The following ASB4 variants were observed in gnomAD, a reference collection of about 807,000 sequenced individuals.
The protein encoded by ASB4 is ankyrin repeat and SOCS box containing 4, also known as ankyrin repeat and SOCS box protein 4.
Under a neutral mutation model 38.6 loss-of-function variants are expected in ASB4, and 35 were observed. The ratio of observed to expected loss-of-function variants is 0.91; its 90% CI spans 0.69 to 1.20. The LOEUF is 1.20. ASB4 is among the 50% of genes most tolerant of loss of function. The probability of loss-of-function intolerance (pLI) is 0.00; values close to 1 mark genes in which losing one functional copy is unlikely to be tolerated. For missense variants in ASB4, 557 were observed against 527.2 expected, an observed-to-expected ratio of 1.06 and a Z score of -0.55; for synonymous variants, 195 against 201.3, an observed-to-expected ratio of 0.97 and a Z score of 0.26.
rs1344036144 is a variant in ASB4 at position 95,520,249 on chromosome 7, C to T, written c.488-7564C>T. On this transcript the variant is annotated intron_variant, in intron 2 of 4. Coordinates refer to ENST00000325885, the MANE Select transcript of ASB4 (RefSeq NM_016116.3). ...CACTGCAGAATCTTTAAGGAAGTTA[C>T]GGACAAAGGGAGCAGAAACAAAATA... 4.6e-5 allele frequency among the ~76,000 whole-genome samples: 7 copies of T among 152,182 alleles called. No homozygotes were observed. In the East Asian group the frequency reaches 5.8e-4, roughly 13 times the overall value.
downstream of ASB4, chr7:95,542,156 G>A (rs1450984310): frequency 4.0e-5 from 6 of 150,814 alleles, no homozygotes; most frequent in Admixed American, 3.3e-4. Context: ...GGAAGAAGAA[G>A]AGGAGTGTTG....
the ASB4 span, among the ~76,000 whole-genome samples, chr7:95,546,558 A>G: frequency 6.6e-6 from 1 of 152,182 alleles, no homozygotes; most frequent in Non-Finnish European, 1.5e-5. Flanking sequence ...TTTTACACCT[A>G]CGGCAGACAA....
chr7:95,528,137 T>C lies in ASB4; in HGVS notation c.812T>C (p.Met271Thr). ...TGTGACCACGTGCTCATGCACATGA[T>C]GCTGGAAGCTGGCGCCGAAGCCAAT... ...WNCDHVLMHM[M>T]LEAGAEANLM... is the part of the protein sequence containing the mutation. The change falls in exon 3 of 5, where the codon ATG becomes ACG. Residue 271 changes from methionine (M) to threonine (T), a missense_variant. Physicochemically the swap from Met to Thr is moderately conservative, Grantham distance 81 (BLOSUM62 -1). Transcript: ENST00000325885. 2 of 1,614,208 alleles carry C rather than the reference T, an allele frequency of 1.2e-6. No individual in the cohort carries two copies. The highest frequency in any genetic ancestry group is 1.7e-6 in the Non-Finnish European group (2 of 1,180,028).
intron 2 of ASB4, among the ~76,000 whole-genome samples, chr7:95,502,547 A>G (rs1387643130): frequency 6.6e-6 from 1 of 152,174 alleles, no homozygotes; most frequent in East Asian, 1.9e-4. Flanking sequence ...TTTAGATGTT[A>G]TCTCTGAACT....
chr7:95,541,025 C>T (rs986033512), downstream of ASB4, among the ~76,000 whole-genome samples: 3 of 152,182 alleles, frequency 2.0e-5, no homozygotes, highest in Admixed American at 2.0e-4. Flanking sequence ...CAACTATTCA[C>T]CCATTTTCTT....
At chr7:95,488,019 A>C (rs1190161787) in intron 1 of ASB4, among the ~76,000 whole-genome samples, 1 of 152,116 alleles carries the variant, frequency 6.6e-6, no homozygotes, top group Non-Finnish European at 1.5e-5. Flanking sequence ...CTTTAGTCTT[A>C]AACCCAGGTT....
chr7:95,549,021 G>A, the ASB4 span, among the ~76,000 whole-genome samples: 1 of 152,106 alleles, frequency 6.6e-6, no homozygotes, highest in Non-Finnish European at 1.5e-5. Flanking sequence ...ATGCCTGTGT[G>A]TTTTGCTTTG....
At chr7:95,544,553 G>A (rs1049836703), downstream of ASB4, 18 of 152,198 alleles carry the variant, frequency 1.2e-4, no homozygotes, top group African/African-American at 3.9e-4. Flanking sequence ...AATGGCTTGA[G>A]TTTTAATCTT....
At chr7:95,504,931 C>T (rs143626722) in intron 2 of ASB4, among the ~76,000 whole-genome samples, 232 of 152,242 alleles carry the variant, frequency 1.5e-3, no homozygotes, top group African/African-American at 5.4e-3. Context: ...ACTCCAGTCC[C>T]GTAAAGCATG....
Position 95,496,014 on chromosome 7 carries a change from A to G in ASB4, c.444A>G (p.Thr148=), listed in dbSNP as rs1365335541. 1.4e-5 allele frequency: 22 copies of G among 1,613,740 alleles called. No homozygotes were observed. Among genetic ancestry groups the G allele is most frequent in the Non-Finnish European group, 1.8e-5 (21 of 1,179,832 alleles). The change falls in exon 2 of 5, where the codon ACA becomes ACG. Residue 148 remains threonine, a synonymous_variant. Transcript: ENST00000325885. The part of the protein sequence containing the change: ...LSGHTALHFC[T]TPSSILCAKQ... ...GACACACAGCTTTGCACTTTTGTAC[A>G]ACTCCAAGTTCCATTCTCTGTGCCA...
intron 1 of ASB4, among the ~76,000 whole-genome samples, chr7:95,491,227 T>C (rs992543638): frequency 1.3e-5 from 2 of 152,208 alleles, no homozygotes; most frequent in African/African-American, 4.8e-5. Flanking sequence ...GTGGGTTTTG[T>C]ACACAGGGGA....
At chr7:95,484,707 G>A (rs79633262), upstream of ASB4, among the ~76,000 whole-genome samples, 1,346 of 152,004 alleles carry the variant, frequency 8.9e-3, 13 homozygotes, top group African/African-American at 0.03. Flanking sequence ...TTCCACAAAC[G>A]ACATATAAAA....
chr7:95,531,414 G>A (rs769944862), intron 3 of ASB4, among the ~76,000 whole-genome samples: 31 of 152,164 alleles, frequency 2.0e-4, no homozygotes, highest in Admixed American at 2.6e-4. Context: ...CGAAAAGGAT[G>A]GACAGGGACA....
At chr7:95,515,225 CT>C (rs1411721877) in intron 2 of ASB4, among the ~76,000 whole-genome samples, 9 of 107,196 alleles carry the variant, frequency 8.4e-5, no homozygotes, top group South Asian at 3.0e-4. Flanking sequence ...TTCTTTCTTT[CT>C]TTCTTTTTCT....
chr7:95,518,302 C>A (rs998547178), intron 2 of ASB4, among the ~76,000 whole-genome samples: 1 of 152,194 alleles, frequency 6.6e-6, no homozygotes, highest in African/African-American at 2.4e-5. Context: ...CAGGCTTAGA[C>A]AATGAAAAGT....
upstream of ASB4, chr7:95,473,663 G>T (rs1207481218): frequency 1.3e-5 from 2 of 150,306 alleles, no homozygotes; most frequent in African/African-American, 4.9e-5. Flanking sequence ...TTTAATCAAC[G>T]GAATAATCAG....
At chr7:95,542,709 G>C (rs1790987171), downstream of ASB4, 2 of 152,220 alleles carry the variant, frequency 1.3e-5, no homozygotes, top group Admixed American at 1.3e-4. Context: ...GGGATTACAG[G>C]TGTGAGCCAC....
intron 1 of ASB4, among the ~76,000 whole-genome samples, chr7:95,491,136 C>T (rs1790165068): frequency 6.6e-6 from 1 of 152,178 alleles, no homozygotes; most frequent in South Asian, 2.1e-4. Flanking sequence ...TAATTAATCA[C>T]ATTATGAAGG....
the ASB4 span, among the ~76,000 whole-genome samples, chr7:95,549,228 T>A: frequency 6.6e-6 from 1 of 151,894 alleles, no homozygotes; most frequent in African/African-American, 2.4e-5. Context: ...AGAAAGTGGT[T>A]AAAGTGCCTG....
Sources: allele counts gnomAD v4.1 joint callset (sites outside exome capture counted in the v4.1 genomes callset), GRCh38; gene constraint gnomAD v4.1.1; transcripts MANE v1.5; gene names NCBI Gene and HGNC (gene_info 2026-07-23, HGNC 2026-07-21).